DYM: variants seen among roughly 807,000 people sequenced by gnomAD.
DYM encodes dyggve-Melchior-Clausen syndrome protein.
A neutral mutation model predicts 93.1 loss-of-function variants in DYM; 78 were observed. The observed-to-expected ratio is 0.84, with a 90% CI of 0.70 to 1.01. The LOEUF (loss-of-function observed/expected upper bound fraction) is 1.01. DYM is among the 50% of genes least tolerant of loss of function. The pLI is 0.00. For missense variants in DYM, 789 were observed against 845.0 expected, an observed-to-expected ratio of 0.93 and a Z score of 0.82; for synonymous variants, 321 against 319.7, an observed-to-expected ratio of 1.00 and a Z score of -0.04.
At chr18:49,285,075 G>A (rs1162808596) in intron 9 of DYM, among the ~76,000 whole-genome samples, 3 of 152,168 alleles carry the variant, frequency 2.0e-5, no homozygotes, top group Non-Finnish European at 4.4e-5. Flanking sequence ...AGCAGAGACT[G>A]AGCCCTCACC....
intron 1 of DYM, among the ~76,000 whole-genome samples, chr18:49,437,382 A>T (rs2080950567): frequency 6.6e-6 from 1 of 152,220 alleles, no homozygotes; most frequent in Non-Finnish European, 1.5e-5. Context: ...ATTGTGTAAC[A>T]TTCCATTTTA....
chr18:49,036,501 T>C lies in DYM; in HGVS notation c.*7554A>G, dbSNP rs1434045409. 6.6e-6 allele frequency among the ~76,000 whole-genome samples: 1 copy of C among 152,218 alleles called. No individual in the cohort carries two copies. The highest frequency in any genetic ancestry group is 1.5e-5 in the Non-Finnish European group (1 of 68,036). On this transcript the variant is annotated 3_prime_UTR_variant, in exon 18 of 18. Coordinates refer to ENST00000675505, the MANE Select transcript of DYM (RefSeq NM_001353214.3). The stretch of plus-strand genomic sequence containing the variant: ...TATACACCTATCACTGCAATAAAGA[T>C]CATTTCAACTAGATTTAAAATTTAT...
chr18:49,097,087 C>T (rs1255853991), intron 17 of DYM: 1 of 427,414 alleles, frequency 2.3e-6, no homozygotes, highest in Non-Finnish European at 4.4e-6. Flanking sequence ...TCATCTTCAT[C>T]ATCACCTTCC....
At chr18:49,097,882 T>G (rs946299244) in intron 16 of DYM, among the ~76,000 whole-genome samples, 4 of 118,632 alleles carry the variant, frequency 3.4e-5, no homozygotes, top group African/African-American at 7.7e-5. Flanking sequence ...TAGCTCTCTC[T>G]CTCTCTCTCT....
At chr18:49,412,428 A>G (rs2148211981) in intron 2 of DYM, among the ~76,000 whole-genome samples, 1 of 152,252 alleles carries the variant, frequency 6.6e-6, no homozygotes, top group South Asian at 2.1e-4. Flanking sequence ...ATTTTTGCAT[A>G]GAAAGGTATA....
intron 14 of DYM, among the ~76,000 whole-genome samples, chr18:49,200,201 A>T (rs1326782891): frequency 6.6e-6 from 1 of 152,014 alleles, no homozygotes; most frequent in Non-Finnish European, 1.5e-5. Flanking sequence ...GGTTGGGAGG[A>T]GGGTAGAGAA....
At chr18:49,375,685 G>A (rs999006061) in intron 5 of DYM, 2 of 152,284 alleles carry the variant, frequency 1.3e-5, no homozygotes, top group Non-Finnish European at 1.5e-5. Context: ...GTGTCAACTT[G>A]ATCGGATTGA....
intron 15 of DYM, among the ~76,000 whole-genome samples, chr18:49,145,108 C>CACATATATATATATATAT (rs74174741): frequency 1.6e-4 from 3 of 18,746 alleles, no homozygotes; most frequent in Non-Finnish European, 3.1e-4. Context: ...CAAAAAAATT[C>CACATATATATATATATAT]ATATATATAT....
chr18:49,076,723 T>A (rs1341802451), intron 17 of DYM, among the ~76,000 whole-genome samples: 7 of 152,224 alleles, frequency 4.6e-5, no homozygotes, highest in Non-Finnish European at 1.0e-4. Context: ...CTGATCACTT[T>A]TTAACAGATA....
intron 13 of DYM, among the ~76,000 whole-genome samples, chr18:49,240,142 G>A (rs2093975632): frequency 6.6e-6 from 1 of 152,122 alleles, no homozygotes; most frequent in South Asian, 2.1e-4. Context: ...ACTGATGGAA[G>A]GAAGGTATAA....
At chr18:49,105,472 C>T (rs1178862176) in intron 16 of DYM, among the ~76,000 whole-genome samples, 7 of 152,240 alleles carry the variant, frequency 4.6e-5, no homozygotes, top group African/African-American at 1.7e-4. Flanking sequence ...TTTGCTCTTG[C>T]TTCTCTAGTT....
At chr18:49,145,572 T>C (rs1450398907) in intron 15 of DYM, among the ~76,000 whole-genome samples, 4 of 152,186 alleles carry the variant, frequency 2.6e-5, no homozygotes, top group Admixed American at 1.3e-4. Flanking sequence ...ATTTTTTCTA[T>C]AGTTTGTCCT....
At chr18:49,147,732 T>G (rs1373699657) in intron 15 of DYM, among the ~76,000 whole-genome samples, 3 of 152,200 alleles carry the variant, frequency 2.0e-5, no homozygotes, top group East Asian at 3.9e-4. Flanking sequence ...GGAACACTTT[T>G]ACACTGTTGG....
chr18:49,047,693 A>G (rs1484393063), intron 17 of DYM, among the ~76,000 whole-genome samples: 4 of 152,028 alleles, frequency 2.6e-5, no homozygotes, highest in Admixed American at 1.3e-4. Flanking sequence ...GAGCCTCCTC[A>G]TACACTGTGT....
chr18:49,458,838 CCCA>C (rs1195701048), intron 1 of DYM, among the ~76,000 whole-genome samples: 2 of 152,054 alleles, frequency 1.3e-5, no homozygotes, highest in Non-Finnish European at 2.9e-5. Context: ...GACTCTGCCT[CCCA>C]CCACCACCAA....
chr18:49,188,699 G>A (rs1223819937), intron 14 of DYM, among the ~76,000 whole-genome samples: 1 of 152,152 alleles, frequency 6.6e-6, no homozygotes, highest in African/African-American at 2.4e-5. Context: ...TGGCGTGGGG[G>A]GAAGGGGGAG....
chr18:49,291,564 G>A (rs2060117259), intron 8 of DYM, among the ~76,000 whole-genome samples: 1 of 152,038 alleles, frequency 6.6e-6, no homozygotes, highest in African/African-American at 2.4e-5. Context: ...CTGCAAATCT[G>A]GTATAAATTT....
At chr18:49,146,432 A>G (rs187295776) in intron 15 of DYM, among the ~76,000 whole-genome samples, 8 of 152,350 alleles carry the variant, frequency 5.3e-5, no homozygotes, top group Admixed American at 3.3e-4. Context: ...ACATGATTGT[A>G]TATCTAGAAA....
chr18:49,425,183 T>C, intron 2 of DYM, among the ~76,000 whole-genome samples: 1 of 152,146 alleles, frequency 6.6e-6, no homozygotes, highest in East Asian at 1.9e-4. Flanking sequence ...ATGGTACTGG[T>C]ACCAAAACAG....
Sources: gnomAD v4.1 joint callset for allele counts (sites outside exome capture counted in the v4.1 genomes callset) on GRCh38, gnomAD v4.1.1 for gene constraint, MANE v1.5 for transcripts, NCBI Gene and HGNC (gene_info 2026-07-23, HGNC 2026-07-21) for gene names.